SORCS2: variants seen among roughly 807,000 people sequenced by gnomAD.
The protein encoded by SORCS2 is VPS10 domain-containing receptor SorCS2.
A neutral mutation model predicts 141.6 loss-of-function variants in SORCS2; 100 were observed. That is an observed-to-expected ratio of 0.71 (90% CI 0.60 to 0.83). The LOEUF is 0.83. SORCS2 is among the 40% of genes least tolerant of loss of function. SORCS2 has a pLI of 0.00. For synonymous variants in SORCS2, 789 were observed against 676.9 expected (o/e 1.17, Z -2.57); for missense variants, 1,646 against 1,560.2 (o/e 1.05, Z -0.93).
At chr4:7,544,449 C>G (rs1713089983) in intron 3 of SORCS2, among the ~76,000 whole-genome samples, 1 of 152,162 alleles carries the variant, frequency 6.6e-6, no homozygotes, top group Admixed American at 6.5e-5. Context: ...TATGGAGGCT[C>G]TAGGATGGGA....
intron 2 of SORCS2, among the ~76,000 whole-genome samples, chr4:7,512,951 C>G (rs182429391): frequency 7.7e-4 from 117 of 152,322 alleles, no homozygotes; most frequent in Middle Eastern, 6.8e-3. Flanking sequence ...TCACACCTCC[C>G]TCCAGGCCGC....
rs1722329347 is a variant in SORCS2, at chr4:7,663,757, C to T, written c.953-596C>T. On this transcript the variant is annotated intron_variant, in intron 6 of 26. Transcript: ENST00000507866. The surrounding 1 kb of genome is among the most constrained non-coding windows in gnomAD (Gnocchi z 4.8). ...GAGGAAGAGGAGGAGGAGGAGGCAC[C>T]CTTCCCTTGGTCCCCTTGGATAAAT... Among the ~76,000 whole-genome samples the T allele has an allele frequency of 6.6e-6, 1 of 152,128 alleles. No individual in the cohort carries two copies. The highest frequency in any genetic ancestry group is 2.1e-4 in the South Asian group (1 of 4,824).
intron 1 of SORCS2, among the ~76,000 whole-genome samples, chr4:7,314,332 A>AT (rs1254597278): frequency 4.1e-5 from 4 of 98,658 alleles, no homozygotes; most frequent in South Asian, 7.2e-4. Flanking sequence ...CCTTTTTTTT[A>AT]TTTTTTTTAT....
At chr4:7,697,962 G>A (rs985310902) in intron 12 of SORCS2, among the ~76,000 whole-genome samples, 5 of 152,184 alleles carry the variant, frequency 3.3e-5, no homozygotes, top group Admixed American at 6.5e-5. Context: ...GCTCAGATTC[G>A]CAGACCAGAG....
intron 2 of SORCS2, among the ~76,000 whole-genome samples, chr4:7,404,631 T>G (rs1724861457): frequency 6.6e-6 from 1 of 152,238 alleles, no homozygotes; most frequent in Non-Finnish European, 1.5e-5. Flanking sequence ...CATCTGCCTG[T>G]CGACCATGTG....
intron 1 of SORCS2, 45 bp from the exon 2 acceptor site, chr4:7,396,243 T>C: frequency 6.3e-7 from 1 of 1,593,988 alleles, no homozygotes; most frequent in Non-Finnish European, 8.6e-7. Flanking sequence ...TTGAGAACCT[T>C]GGCACCCACT....
intron 2 of SORCS2, among the ~76,000 whole-genome samples, chr4:7,404,025 A>C (rs937760376): frequency 8.5e-5 from 10 of 117,700 alleles, no homozygotes; most frequent in Admixed American, 2.9e-4. Flanking sequence ...GTATCCATTT[A>C]TGAGTGAGAA....
chr4:7,608,408 A>G (rs1718193660), intron 3 of SORCS2, among the ~76,000 whole-genome samples: 1 of 152,228 alleles, frequency 6.6e-6, no homozygotes, highest in Non-Finnish European at 1.5e-5. Flanking sequence ...TTATTGACAC[A>G]GAACTCAAGC....
At chr4:7,316,966 A>G (rs545035797) in intron 1 of SORCS2, among the ~76,000 whole-genome samples, 151 of 152,266 alleles carry the variant, frequency 9.9e-4, no homozygotes, top group African/African-American at 3.3e-3. Context: ...GACAGCAGAC[A>G]GACTTCCACA....
At chr4:7,617,342 C>G (rs1437398769) in intron 3 of SORCS2, among the ~76,000 whole-genome samples, 1 of 152,104 alleles carries the variant, frequency 6.6e-6, no homozygotes, top group Non-Finnish European at 1.5e-5. Context: ...CATTGGTTAT[C>G]CATCAATATA....
At chr4:7,599,131 G>A (rs976675344) in intron 3 of SORCS2, among the ~76,000 whole-genome samples, 12 of 152,002 alleles carry the variant, frequency 7.9e-5, no homozygotes, top group Non-Finnish European at 1.2e-4. Context: ...CCTTCCTTCC[G>A]CAGGCTTCTC....
At chr4:7,465,570 G>A (rs1049904110) in intron 2 of SORCS2, among the ~76,000 whole-genome samples, 2 of 152,044 alleles carry the variant, frequency 1.3e-5, no homozygotes, top group Non-Finnish European at 2.9e-5. Context: ...CCTCTCCAGG[G>A]GCTTGTGCTG....
At chr4:7,602,125 C>T (rs1399656502) in intron 3 of SORCS2, among the ~76,000 whole-genome samples, 2 of 152,258 alleles carry the variant, frequency 1.3e-5, no homozygotes, top group Non-Finnish European at 2.9e-5. Flanking sequence ...ACACTTCCCC[C>T]ACTTCCACTC....
At chr4:7,600,322 G>A (rs1717574521) in intron 3 of SORCS2, among the ~76,000 whole-genome samples, 1 of 152,188 alleles carries the variant, frequency 6.6e-6, no homozygotes, top group African/African-American at 2.4e-5. Context: ...AAATCAAGGT[G>A]TCGCTGCTAC....
In SORCS2 at chr4:7,718,081, G is replaced by T. The variant is rs1726315542; in HGVS notation, c.2322G>T (p.Gln774His). 1 of 1,611,960 alleles carries T rather than the reference G, an allele frequency of 6.2e-7. No individual in the cohort carries two copies. Among genetic ancestry groups the T allele is most frequent in the African/African-American group, 1.3e-5 (1 of 75,000 alleles). Reference protein sequence around the residue: ...VDMQQSQVQLQCPLTPPRGLQ... With the variant: ...VDMQQSQVQLHCPLTPPRGLQ... ...TGCAGCAGAGTCAGGTGCAGCTGCA[G>T]TGCCCCCTCACGCCGCCCCGGGGCC... The change falls in exon 18 of 27, where the codon CAG (glutamine) becomes CAT (histidine). Residue 774 changes from glutamine to histidine, a missense_variant. Transcript: ENST00000507866.
chr4:7,257,699 G>A (rs4689671), intron 1 of SORCS2, among the ~76,000 whole-genome samples: 68,836 of 151,932 alleles, frequency 0.45, 17,387 homozygotes, highest in Non-Finnish European at 0.57. Context: ...GGAAGCTCCC[G>A]AAAGGTGCCA....
intron 1 of SORCS2, among the ~76,000 whole-genome samples, chr4:7,227,112 C>A (rs1024978369): frequency 1.3e-5 from 2 of 152,182 alleles, no homozygotes; most frequent in Non-Finnish European, 2.9e-5. Context: ...CTCTTATGCA[C>A]TTGTGCGTGC....
At chr4:7,382,954 G>A (rs1047932296) in intron 1 of SORCS2, among the ~76,000 whole-genome samples, 4 of 152,126 alleles carry the variant, frequency 2.6e-5, no homozygotes, top group East Asian at 1.9e-4. Context: ...TGGAGAAAAT[G>A]TTTTGATCTA....
At chr4:7,557,708 C>G (rs1275016199) in intron 3 of SORCS2, among the ~76,000 whole-genome samples, 1 of 152,134 alleles carries the variant, frequency 6.6e-6, no homozygotes, top group South Asian at 2.1e-4. Context: ...TGCAAATGCC[C>G]AGGGAAAAGT....
Sources: allele counts gnomAD v4.1 joint callset (sites outside exome capture counted in the v4.1 genomes callset), GRCh38; gene constraint gnomAD v4.1.1; non-coding constraint Gnocchi (gnomAD v3.1); transcripts MANE v1.5; gene names NCBI Gene and HGNC (gene_info 2026-07-23, HGNC 2026-07-21).